Variants in MSRA observed in about 807,000 individuals in gnomAD.
MSRA encodes the protein mitochondrial peptide methionine sulfoxide reductase.
A neutral mutation model predicts 31.3 loss-of-function variants in MSRA; 54 were observed. The ratio of observed to expected loss-of-function variants is 1.73; its 90% CI spans 1.39 to 2.17. MSRA has a LOEUF of 2.17. MSRA is among the 30% of genes most tolerant of loss of function. The pLI is 0.00. For synonymous variants in MSRA, 169 were observed against 116.5 expected, an observed-to-expected ratio of 1.45 and a Z score of -2.90; for missense variants, 507 against 300.9, an observed-to-expected ratio of 1.69 and a Z score of -5.07.
chr8:10,250,535 A>C, intron 3 of MSRA: 1 of 696,524 alleles, frequency 1.4e-6, no homozygotes, highest in Non-Finnish European at 2.6e-6. Flanking sequence ...TTTTCCTCGT[A>C]AGATTTACAC....
intron 1 of MSRA, among the ~76,000 whole-genome samples, chr8:10,204,675 T>G (rs1486662347): frequency 6.6e-6 from 1 of 152,218 alleles, no homozygotes; most frequent in Admixed American, 6.5e-5. Flanking sequence ...AACACATAGA[T>G]TTCCCTGAAT....
At chr8:10,339,386 C>G (rs1441712282) in intron 5 of MSRA, among the ~76,000 whole-genome samples, 1 of 152,120 alleles carries the variant, frequency 6.6e-6, no homozygotes, top group Non-Finnish European at 1.5e-5. Context: ...TGATTCAGGT[C>G]CACATTGGCT....
chr8:10,331,131 C>T (rs967880452), intron 5 of MSRA, among the ~76,000 whole-genome samples: 1 of 152,216 alleles, frequency 6.6e-6, no homozygotes, highest in African/African-American at 2.4e-5. Flanking sequence ...CCTACCTTGC[C>T]AGAACCTTGA....
chr8:10,399,305 G>C (rs1807295042), intron 5 of MSRA, among the ~76,000 whole-genome samples: 2 of 152,306 alleles, frequency 1.3e-5, no homozygotes, highest in African/African-American at 4.8e-5. Flanking sequence ...AGGTGATATG[G>C]TTTGGATGTT....
At chr8:10,231,217 AGCTGAGGCGGGCGGACAGGGAGGAG>A (rs1400964707) in intron 2 of MSRA, among the ~76,000 whole-genome samples, 5 of 151,868 alleles carry the variant, frequency 3.3e-5, no homozygotes, top group African/African-American at 1.2e-4. Flanking sequence ...GCAGTGAGGG[AGCTGAGGCGGGCGGACAGGGAGGAG>A]GCTGCTGTCA....
chr8:10,066,470 A>G (rs1214435795), intron 1 of MSRA, among the ~76,000 whole-genome samples: 1 of 152,130 alleles, frequency 6.6e-6, no homozygotes, highest in Non-Finnish European at 1.5e-5. Context: ...ACCAGATTGT[A>G]TTTTCTGTAT....
chr8:10,137,657 A>G (rs1314130287), intron 1 of MSRA, among the ~76,000 whole-genome samples: 1 of 152,172 alleles, frequency 6.6e-6, no homozygotes, highest in Non-Finnish European at 1.5e-5. Context: ...GGGAGACCCC[A>G]CTTCCTAACA....
intron 3 of MSRA, among the ~76,000 whole-genome samples, chr8:10,297,313 A>G (rs919403676): frequency 1.4e-4 from 22 of 152,136 alleles, no homozygotes; most frequent in African/African-American, 5.1e-4. Flanking sequence ...TAGAGAGGAC[A>G]TCATCCTTTT....
At chr8:10,280,215 T>C (rs1799545343) in intron 3 of MSRA, among the ~76,000 whole-genome samples, 2 of 152,196 alleles carry the variant, frequency 1.3e-5, no homozygotes, top group South Asian at 4.1e-4. Flanking sequence ...TCAATTTTTT[T>C]GCCTTCGTGA....
At chr8:10,061,379 C>G (rs1054015001) in intron 1 of MSRA, among the ~76,000 whole-genome samples, 2 of 152,174 alleles carry the variant, frequency 1.3e-5, no homozygotes, top group African/African-American at 2.4e-5. Flanking sequence ...TTGCCCTGCT[C>G]TAATTCCCCT....
At chr8:10,146,607 G>A (rs764908898) in intron 1 of MSRA, among the ~76,000 whole-genome samples, 3 of 152,118 alleles carry the variant, frequency 2.0e-5, no homozygotes, top group Non-Finnish European at 2.9e-5. Flanking sequence ...GGAATGTGGC[G>A]GCGGTTGTAC....
At chr8:10,262,592 T>C (rs1166171792) in intron 3 of MSRA, among the ~76,000 whole-genome samples, 11 of 152,228 alleles carry the variant, frequency 7.2e-5, no homozygotes, top group Non-Finnish European at 1.5e-5. Context: ...TGATGAGATT[T>C]AAGATTGTTT....
Position 10,347,010 on chromosome 8 carries a change from A to G in MSRA, c.543+27021A>G, listed in dbSNP as rs566288645. Among the ~76,000 whole-genome samples, 9 of 152,278 alleles carry G rather than the reference A, an allele frequency of 5.9e-5. No individual in the cohort carries two copies. In the East Asian group the frequency reaches 1.7e-3, roughly 29 times the overall value. On this transcript the variant is annotated intron_variant, in intron 5 of 5. Transcript: ENST00000317173. The stretch of plus-strand genomic sequence containing the variant: ...GCTGTTACTTGTTCCCTGTCCTCAC[A>G]GACCCTCTTTCCACACCCCATCATT...
At chr8:10,358,890 A>T (rs901038397) in intron 5 of MSRA, among the ~76,000 whole-genome samples, 1 of 152,064 alleles carries the variant, frequency 6.6e-6, no homozygotes, top group Non-Finnish European at 1.5e-5. Context: ...CCAGCATTAG[A>T]TTCTTATAGG....
intron 1 of MSRA, among the ~76,000 whole-genome samples, chr8:10,074,058 CTTTTTTTTTTTTTTTTTTTTTTTT>C (rs534642712): frequency 2.4e-4 from 7 of 29,456 alleles, no homozygotes; most frequent in South Asian, 3.4e-3. Context: ...AAGGGAGGTG[CTTTTTTTTTTTTTTTTTTTTTTTT>C]TTTTTTTTTT....
chr8:10,194,333 G>A (rs915954578), intron 1 of MSRA, among the ~76,000 whole-genome samples: 25 of 152,246 alleles, frequency 1.6e-4, no homozygotes, highest in South Asian at 6.2e-4. Flanking sequence ...TTGGGAAGCC[G>A]AGACAGGTGG....
At chr8:10,114,338 C>G (rs1312126877) in intron 1 of MSRA, among the ~76,000 whole-genome samples, 1 of 152,150 alleles carries the variant, frequency 6.6e-6, no homozygotes, top group Admixed American at 6.5e-5. Context: ...TTTCAATTAT[C>G]TGGGGGCCAG....
intron 2 of MSRA, among the ~76,000 whole-genome samples, chr8:10,222,517 A>G (rs955654721): frequency 3.3e-4 from 50 of 152,306 alleles, no homozygotes; most frequent in African/African-American, 9.1e-4. Context: ...TCTAAAGGCA[A>G]TGAAATCACT....
intron 5 of MSRA, among the ~76,000 whole-genome samples, chr8:10,349,435 A>G (rs60158398): frequency 0.014 from 2,105 of 152,254 alleles, 37 homozygotes; most frequent in African/African-American, 0.046. Context: ...TTTATTCTTC[A>G]GGGTTTAATG....
Sources: allele counts gnomAD v4.1 joint callset (sites outside exome capture counted in the v4.1 genomes callset), GRCh38; gene constraint gnomAD v4.1.1; transcripts MANE v1.5; gene names NCBI Gene and HGNC (gene_info 2026-07-23, HGNC 2026-07-21).